Variants in RYR3 observed in about 807,000 individuals in gnomAD.
The protein encoded by RYR3 is ryanodine receptor 3.
RYR3 carries 207 observed loss-of-function variants against 584.3 expected under a neutral mutation model. The observed-to-expected ratio is 0.35, with a 90% CI of 0.32 to 0.40. The LOEUF is 0.40. RYR3 is among the 10% of genes least tolerant of loss of function. The pLI is 1.00. For synonymous variants in RYR3, 2,416 were observed against 2,248.5 expected, an observed-to-expected ratio of 1.07 and a Z score of -2.11; for missense variants, 5,616 against 6,089.2, an observed-to-expected ratio of 0.92 and a Z score of 2.59.
chr15:33,681,055 C>T (rs2064568400), intron 38 of RYR3, among the ~76,000 whole-genome samples: 1 of 152,186 alleles, frequency 6.6e-6, no homozygotes, highest in South Asian at 2.1e-4. Context: ...CTCAAGAGCT[C>T]TGAGCCAGAT....
At chr15:33,863,675 G>A (rs1889357574) in intron 102 of RYR3, among the ~76,000 whole-genome samples, 1 of 152,030 alleles carries the variant, frequency 6.6e-6, no homozygotes, top group Non-Finnish European at 1.5e-5. Flanking sequence ...TATAGTTCTG[G>A]AAGAATCTCC....
intron 2 of RYR3, among the ~76,000 whole-genome samples, chr15:33,492,752 C>T (rs2051080379): frequency 6.6e-6 from 1 of 152,084 alleles, no homozygotes; most frequent in South Asian, 2.1e-4. Flanking sequence ...AGGAGACAGC[C>T]CCACCTCTGG....
At position 33,748,245 on chromosome 15, in the gene RYR3, G is replaced by A; in HGVS notation, c.8121G>A (p.Val2707=). The A allele has an allele frequency of 6.2e-7, 1 of 1,613,810 alleles. No homozygotes were observed. ...GGGAAAATGAGAAGCTTCGAAGTGT[G>A]TCCCAGGCCAACCAGGTATGACACC... is the stretch of plus-strand genomic sequence containing the variant. ...QQRENEKLRS[V]SQANQGNSYS... Residue 2707 remains valine (V), a synonymous_variant, in exon 54 of 104, where the codon GTG becomes GTA. Transcript: ENST00000634891.
At chr15:33,473,226 C>T (rs1262524988) in intron 1 of RYR3, 193 bp from the exon 2 acceptor site, 1 of 737,932 alleles carries the variant, frequency 1.4e-6, no homozygotes, top group African/African-American at 1.7e-5. Flanking sequence ...AAGTAGAGTT[C>T]TGACTCACGG....
intron 49 of RYR3, among the ~76,000 whole-genome samples, chr15:33,737,445 T>A (rs887832104): frequency 6.6e-6 from 1 of 152,240 alleles, no homozygotes; most frequent in Admixed American, 6.5e-5. Context: ...TAGCAATGGC[T>A]AGCCACACCT....
chr15:33,864,909 A>AGGG (rs1249716990), intron 103 of RYR3: 2 of 502,480 alleles, frequency 4.0e-6, no homozygotes, highest in Non-Finnish European at 3.5e-6. Flanking sequence ...TTTGGGGCAG[A>AGGG]GGGGGATTTT....
chr15:33,507,915 G>C (rs1321345614), intron 3 of RYR3, among the ~76,000 whole-genome samples: 3 of 152,078 alleles, frequency 2.0e-5, no homozygotes. Flanking sequence ...TAAAAGTATT[G>C]GTTCCTCTGT....
Position 33,473,529 on chromosome 15 carries a change from A to G in RYR3, c.162A>G (p.Ser54=). ...GNRLCFLEPT[S]EAKYIPPDLC... ...GCCTGTGCTTCTTGGAACCCACTTC[A>G]GAAGCCAAGGTGAGATTGGCTGTCC... Residue 54 remains serine (S), a synonymous_variant, in exon 2 of 104, where the codon TCA becomes TCG. Transcript: ENST00000634891. 6.2e-7 allele frequency: 1 copy of G among 1,614,010 alleles called. No individual in the cohort carries two copies. Among genetic ancestry groups the G allele is most frequent in the Non-Finnish European group, 8.5e-7 (1 of 1,179,872 alleles).
chr15:33,655,525 G>A (rs1160107341), intron 32 of RYR3, among the ~76,000 whole-genome samples: 1 of 152,178 alleles, frequency 6.6e-6, no homozygotes, highest in African/African-American at 2.4e-5. Context: ...GACAGCTTTA[G>A]CCCACCTTTC....
chr15:33,764,300 A>C (rs1345123275), intron 60 of RYR3, among the ~76,000 whole-genome samples: 6 of 151,988 alleles, frequency 3.9e-5, no homozygotes, highest in Non-Finnish European at 7.4e-5. Flanking sequence ...AGCTGAAAAC[A>C]CTCATTCTCA....
At chr15:33,748,749 A>G (rs1333236474) in intron 55 of RYR3, among the ~76,000 whole-genome samples, 2 of 152,160 alleles carry the variant, frequency 1.3e-5, no homozygotes, top group Non-Finnish European at 2.9e-5. Flanking sequence ...GGACTTCATG[A>G]TGGATGCTGA....
At chr15:33,611,865 GCC>G (rs2060209888) in intron 18 of RYR3, among the ~76,000 whole-genome samples, 1 of 151,964 alleles carries the variant, frequency 6.6e-6, no homozygotes, top group African/African-American at 2.4e-5. Context: ...CACCATGTTG[GCC>G]AGGCTGGTCT....
At chr15:33,506,863 TCAG>T (rs1303950406) in intron 3 of RYR3, among the ~76,000 whole-genome samples, 5 of 152,190 alleles carry the variant, frequency 3.3e-5, no homozygotes, top group African/African-American at 1.2e-4. Context: ...AAGAAAATAT[TCAG>T]CAGGGAAGAA....
chr15:33,667,418 G>A (rs2063545053), intron 36 of RYR3, among the ~76,000 whole-genome samples: 1 of 151,936 alleles, frequency 6.6e-6, no homozygotes, highest in Non-Finnish European at 1.5e-5. Context: ...TTTAATATTG[G>A]CAGCAAAACA....
intron 42 of RYR3, among the ~76,000 whole-genome samples, chr15:33,704,789 A>T (rs901225911): frequency 2.0e-5 from 3 of 152,164 alleles, no homozygotes; most frequent in Non-Finnish European, 4.4e-5. Flanking sequence ...AAGAAGTCAG[A>T]TGTGATTAAC....
At chr15:33,408,228 G>A (rs2043156770) in intron 1 of RYR3, among the ~76,000 whole-genome samples, 1 of 152,156 alleles carries the variant, frequency 6.6e-6, no homozygotes, top group African/African-American at 2.4e-5. Flanking sequence ...CTAATGCTTA[G>A]CTGACACTTA....
chr15:33,831,775 C>T (rs117021758), intron 86 of RYR3, among the ~76,000 whole-genome samples: 82 of 152,198 alleles, frequency 5.4e-4, no homozygotes, highest in Non-Finnish European at 9.1e-4. Flanking sequence ...TCATTACCGT[C>T]GGTGATACAA....
Position 33,693,302 on chromosome 15 carries a change from C to T in RYR3, c.5861-2916C>T, listed in dbSNP as rs570373863. ...GCTGCCCTCCATGCTACCATGCCTG[C>T]GCCACCACTCCAGCAGCGCCCAGGT... On this transcript the variant is annotated intron_variant, in intron 38 of 103. Transcript: ENST00000634891. 5.3e-5 allele frequency among the ~76,000 whole-genome samples: 8 copies of T among 152,352 alleles called. No homozygotes were observed. The East Asian group carries it at 1.2e-3, about 22-fold the overall frequency.
chr15:33,548,931 A>T (rs1199092260), intron 9 of RYR3, among the ~76,000 whole-genome samples: 1 of 152,070 alleles, frequency 6.6e-6, no homozygotes, highest in East Asian at 1.9e-4. Flanking sequence ...CTTTCTGCTC[A>T]GTCTCCCCCC....
Sources: gnomAD v4.1 joint callset for allele counts (sites outside exome capture counted in the v4.1 genomes callset) on GRCh38, gnomAD v4.1.1 for gene constraint, MANE v1.5 for transcripts, NCBI Gene and HGNC (gene_info 2026-07-23, HGNC 2026-07-21) for gene names.